JMY: variants seen among roughly 807,000 people sequenced by gnomAD.
JMY encodes junction mediating and regulatory protein, p53 cofactor, also known as junction-mediating and -regulatory protein.
JMY carries 46 observed loss-of-function variants against 103.3 expected under a neutral mutation model. That is an observed-to-expected ratio of 0.45 (90% CI 0.35 to 0.57). The LOEUF (loss-of-function observed/expected upper bound fraction) is 0.57, where lower values mean the gene tolerates loss of function less well. JMY is among the 20% of genes least tolerant of loss of function. The probability of loss-of-function intolerance (pLI) is 0.00; values close to 1 mark genes in which losing one functional copy is unlikely to be tolerated. For synonymous variants in JMY, 526 were observed against 489.3 expected (o/e 1.07, Z -0.99); for missense variants, 1,238 against 1,255.2 (o/e 0.99, Z 0.21).
chr5:79,290,000 A>G, intron 2 of JMY, 121 bp from the exon 3 acceptor site: 1 of 678,040 alleles, frequency 1.5e-6, no homozygotes, highest in Non-Finnish European at 2.4e-6. Flanking sequence ...TTGTAAACTA[A>G]TAGCTTATCC....
chr5:79,300,525 T>G (rs555571298), intron 5 of JMY, 151 bp from the exon 6 acceptor site: 6 of 708,798 alleles, frequency 8.5e-6, no homozygotes, highest in African/African-American at 1.8e-5. Context: ...CTCTATGAGG[T>G]GTATTAAATA....
rs1480123969 is a variant in JMY at position 79,284,115 on chromosome 5, T to C, written c.1207-6006T>C. ...ACAAATAGCACTTTTTATTTGCCAC[T>C]ATTTGAAGTCTGAACTTTAAACAGA... is the stretch of plus-strand genomic sequence containing the variant. On this transcript the variant is annotated intron_variant, in intron 2 of 10. Coordinates refer to ENST00000396137, the MANE Select transcript of JMY (RefSeq NM_152405.5). 20 of 1,468,650 alleles carry C rather than the reference T, an allele frequency of 1.4e-5. 1 individual carries two copies. In the Admixed American group the frequency reaches 2.6e-4, roughly 19 times the overall value. The allele number at this position is 1,468,650 out of a possible 1,614,324, so 91.0% of individuals were successfully genotyped here.
intron 1 of JMY, among the ~76,000 whole-genome samples, chr5:79,238,210 G>A (rs1382583698): frequency 6.6e-6 from 1 of 152,106 alleles, no homozygotes; most frequent in African/African-American, 2.4e-5. Flanking sequence ...ACTATCGGAT[G>A]CAAATTTATT....
At chr5:79,291,100 C>T (rs182152438) in intron 3 of JMY, 30 bp from the exon 4 acceptor site, 4 of 1,477,582 alleles carry the variant, frequency 2.7e-6, no homozygotes, top group Admixed American at 4.7e-5. Context: ...TGTTATTTGT[C>T]TTAATTTCTC....
In JMY at chr5:79,303,409, TA is replaced by T. The variant is rs563673625; in HGVS notation, c.1881+2547del. ...TGATGAGGTGGAGGTGGGAGGCTGA[TA>T]GGAAAGAGCAAGGGAAGGTGGTGGA... On this transcript the variant is annotated intron_variant, in intron 6 of 10. Transcript: ENST00000396137. 3.8e-3 allele frequency among the ~76,000 whole-genome samples: 571 copies of T among 151,806 alleles called. 2 individuals carry two copies. The highest frequency in any genetic ancestry group is 6.1e-3 in the Admixed American group (93 of 15,212).
chr5:79,275,302 A>G (rs1745906342), intron 1 of JMY, among the ~76,000 whole-genome samples: 1 of 151,980 alleles, frequency 6.6e-6, no homozygotes, highest in Non-Finnish European at 1.5e-5. Context: ...CTGGGACTAC[A>G]GGTGCCCGCC....
chr5:79,293,832 A>G (rs1324390363), intron 4 of JMY, among the ~76,000 whole-genome samples: 1 of 151,890 alleles, frequency 6.6e-6, no homozygotes, highest in African/African-American at 2.4e-5. Flanking sequence ...ACTTTATTCT[A>G]CTCTTTCAAT....
Position 79,309,271 on chromosome 5 carries a change from C to T in JMY, c.1968+2810C>T, listed in dbSNP as rs193105590. ...TTTCTCACCAGTAAGTGTGATGTTACCTGTAGGTTTTGGGATAGATGTTCT... is the reference window on the plus strand; with the variant it reads ...TTTCTCACCAGTAAGTGTGATGTTATCTGTAGGTTTTGGGATAGATGTTCT... On this transcript the variant is annotated intron_variant, in intron 7 of 10. Coordinates refer to ENST00000396137, the MANE Select transcript of JMY (RefSeq NM_152405.5). 2.0e-5 allele frequency among the ~76,000 whole-genome samples: 3 copies of T among 152,162 alleles called. No individual in the cohort carries two copies. The East Asian group carries it at 5.8e-4, about 29-fold the overall frequency.
At chr5:79,321,071 A>C (rs1355433237) in intron 10 of JMY, among the ~76,000 whole-genome samples, 1 of 152,264 alleles carries the variant, frequency 6.6e-6, no homozygotes, top group Non-Finnish European at 1.5e-5. Context: ...ACAGTATTAG[A>C]AAATGCAGAA....
At chr5:79,253,558 C>G (rs1745153645) in intron 1 of JMY, among the ~76,000 whole-genome samples, 1 of 152,150 alleles carries the variant, frequency 6.6e-6, no homozygotes, top group Non-Finnish European at 1.5e-5. Flanking sequence ...TCCCAAAGTG[C>G]TGGGATTATA....
intron 1 of JMY, among the ~76,000 whole-genome samples, chr5:79,276,132 C>T (rs1480090529): frequency 2.6e-5 from 4 of 151,958 alleles, no homozygotes; most frequent in Non-Finnish European, 4.4e-5. Context: ...ATTTACTTGC[C>T]TTTTGAGATG....
At chr5:79,256,700 G>A (rs1202160748) in intron 1 of JMY, among the ~76,000 whole-genome samples, 1 of 152,044 alleles carries the variant, frequency 6.6e-6, no homozygotes, top group Non-Finnish European at 1.5e-5. Context: ...CACTGCACCT[G>A]TCCTTCTTTC....
intron 1 of JMY, among the ~76,000 whole-genome samples, chr5:79,275,383 G>T (rs1485200984): frequency 6.6e-6 from 1 of 152,036 alleles, no homozygotes; most frequent in South Asian, 2.1e-4. Flanking sequence ...GGATGTTGTC[G>T]ATCTCCTGAC....
intron 1 of JMY, among the ~76,000 whole-genome samples, chr5:79,268,848 T>A (rs1465248888): frequency 6.6e-6 from 1 of 152,244 alleles, no homozygotes. Flanking sequence ...TTTGCCCATT[T>A]GTAAATTGGA....
intron 8 of JMY, among the ~76,000 whole-genome samples, chr5:79,312,716 C>A (rs1385919506): frequency 1.3e-5 from 2 of 152,086 alleles, no homozygotes; most frequent in Non-Finnish European, 2.9e-5. Context: ...CTTTGACCCA[C>A]AGCTTCAGTA....
At chr5:79,310,613 T>C (rs1747017696) in intron 7 of JMY, among the ~76,000 whole-genome samples, 1 of 152,220 alleles carries the variant, frequency 6.6e-6, no homozygotes, top group Non-Finnish European at 1.5e-5. Context: ...GATTCTTAGA[T>C]GTTAACCTTA....
intron 1 of JMY, among the ~76,000 whole-genome samples, chr5:79,250,487 T>A (rs899121162): frequency 6.6e-6 from 1 of 152,172 alleles, no homozygotes; most frequent in African/African-American, 2.4e-5. Flanking sequence ...CAGACAACCC[T>A]GATCACAATT....
At chr5:79,280,490 C>T (rs1746073862) in intron 2 of JMY, among the ~76,000 whole-genome samples, 1 of 152,158 alleles carries the variant, frequency 6.6e-6, no homozygotes, top group South Asian at 2.1e-4. Flanking sequence ...TCTTTTCTGA[C>T]AGTAAAAATG....
chr5:79,290,159 T>TGA lies in JMY; in HGVS notation c.1249_1250dup (p.Ser417ArgfsTer31). 1 of 1,596,874 alleles carries TGA rather than the reference T, an allele frequency of 6.3e-7. No individual in the cohort carries two copies. The highest frequency in any genetic ancestry group is 8.5e-7 in the Non-Finnish European group (1 of 1,170,728). ...ATGATTATCTGGGACCTCGAAGAAT[T>TGA]GAGAGTCTACAAAAAGAAGATGCTG... On this transcript the variant is annotated frameshift_variant, in exon 3 of 11. Coordinates refer to ENST00000396137, the MANE Select transcript of JMY (RefSeq NM_152405.5). LOFTEE classifies it high-confidence loss of function.
Sources: gnomAD v4.1 joint callset for allele counts (sites outside exome capture counted in the v4.1 genomes callset) on GRCh38, gnomAD v4.1.1 for gene constraint, MANE v1.5 for transcripts, NCBI Gene and HGNC (gene_info 2026-07-23, HGNC 2026-07-21) for gene names.